Variants in EVC2 observed in about 807,000 individuals in gnomAD.
EVC2 encodes EvC ciliary complex subunit 2, also known as limbin.
EVC2 carries 148 observed loss-of-function variants against 149.3 expected under a neutral mutation model. That is an observed-to-expected ratio of 0.99 (90% confidence interval 0.87 to 1.14). The LOEUF is 1.14. Ranked by LOEUF, EVC2 falls within the 50% of genes most tolerant of loss-of-function variation. EVC2 has a pLI of 0.00. For missense variants in EVC2, 1,854 were observed against 1,627.3 expected (o/e 1.14, Z -2.40); for synonymous variants, 776 against 649.9 (o/e 1.19, Z -2.95).
chr4:5,660,986 T>C (rs574213519), intron 9 of EVC2, among the ~76,000 whole-genome samples: 2 of 152,248 alleles, frequency 1.3e-5, no homozygotes, highest in East Asian at 3.9e-4. Flanking sequence ...GAGCACCAAA[T>C]TAAATAAGGG....
At chr4:5,646,022 C>T (rs551735193) in intron 9 of EVC2, among the ~76,000 whole-genome samples, 35 of 152,238 alleles carry the variant, frequency 2.3e-4, no homozygotes, top group African/African-American at 7.9e-4. Context: ...CTCCACCTCC[C>T]GGGTTCAAGT....
rs968414498 is a variant in EVC2, at chr4:5,618,052, T to A, written c.2706+426A>T. 3.3e-5 allele frequency among the ~76,000 whole-genome samples: 5 copies of A among 152,188 alleles called. No homozygotes were observed. ...AAGACCCTGTGCAAGAGCCCCTCTT[T>A]CCCTGACCCACCTGAGTTGAGATGA... On this transcript the variant is annotated intron_variant, in intron 15 of 21. Transcript: ENST00000344408. This position sits in a 1 kb window ranked among gnomAD's most constrained non-coding sequence, Gnocchi z 4.4.
chr4:5,600,179 T>C (rs776946209), intron 16 of EVC2, among the ~76,000 whole-genome samples: 1 of 152,186 alleles, frequency 6.6e-6, no homozygotes, highest in Non-Finnish European at 1.5e-5. Context: ...TTGCTTAACC[T>C]GTCTGAGTCT....
rs776049384 is a variant in EVC2 at position 5,628,580 on chromosome 4, T to A, written c.1865A>T (p.His622Leu). The A allele has an allele frequency of 6.2e-7, 1 of 1,614,004 alleles. No individual in the cohort carries two copies. The highest frequency in any genetic ancestry group is 8.5e-7 in the Non-Finnish European group (1 of 1,180,032). ...GTACCTCTCGTGCTTCTGAATGAGG[T>A]GAGTCAGCTGGGCTGCAGCGGTGCT... is the stretch of plus-strand genomic sequence containing the variant. ...LLSTAAAQLT[H>L]LIQKHERAGY... The change falls in exon 12 of 22, where the codon CAC (histidine) becomes CTC (leucine). Residue 622 changes from histidine to leucine, a missense_variant. Physicochemically the swap from His to Leu is moderately conservative, Grantham distance 99. Transcript: ENST00000344408.
At chr4:5,654,452 A>T (rs1336193887) in intron 9 of EVC2, among the ~76,000 whole-genome samples, 6 of 152,200 alleles carry the variant, frequency 3.9e-5, no homozygotes, top group Admixed American at 2.6e-4. Flanking sequence ...CCTTGCATTT[A>T]CATCCTTGAG....
intron 21 of EVC2, among the ~76,000 whole-genome samples, chr4:5,549,171 T>A (rs768075610): frequency 6.6e-6 from 1 of 152,246 alleles, no homozygotes; most frequent in Non-Finnish European, 1.5e-5. Context: ...TATATTAAGA[T>A]ATATTGTTAT....
At chr4:5,654,888 C>A (rs1718406268) in intron 9 of EVC2, among the ~76,000 whole-genome samples, 1 of 152,208 alleles carries the variant, frequency 6.6e-6, no homozygotes, top group Non-Finnish European at 1.5e-5. Flanking sequence ...CTGGTTTCAT[C>A]TTGCGCTGTA....
chr4:5,683,478 A>G (rs926397305), intron 6 of EVC2, among the ~76,000 whole-genome samples: 5 of 152,238 alleles, frequency 3.3e-5, no homozygotes, highest in Admixed American at 2.6e-4. Flanking sequence ...AGTGGGATTC[A>G]ACACAATGTT....
intron 21 of EVC2, among the ~76,000 whole-genome samples, chr4:5,549,900 T>C (rs1721704654): frequency 6.6e-6 from 1 of 152,196 alleles, no homozygotes; most frequent in Non-Finnish European, 1.5e-5. Context: ...CTTGTGATAG[T>C]GAATAAGTCT....
chr4:5,665,944 T>C lies in EVC2; in HGVS notation c.871-295A>G, dbSNP rs4524330. On this transcript the variant is annotated intron_variant, in intron 7 of 21. Coordinates refer to ENST00000344408, the MANE Select transcript of EVC2 (RefSeq NM_147127.5). The stretch of plus-strand genomic sequence containing the variant: ...ATCACAGACACTCAAGAATGTTAAG[T>C]TTCCAAATCAAAAACATGATAATCC... Among the ~76,000 whole-genome samples, 48,110 of 151,996 alleles carry C rather than the reference T, an allele frequency of 0.32. 7,662 individuals carry two copies. Among genetic ancestry groups the C allele is most frequent in the Middle Eastern group, 0.34 (101 of 294 alleles).
chr4:5,666,174 C>T (rs1253864452), intron 7 of EVC2, among the ~76,000 whole-genome samples: 1 of 151,820 alleles, frequency 6.6e-6, no homozygotes, highest in African/African-American at 2.4e-5. Flanking sequence ...CCACATTTAC[C>T]CCCGCCCCTC....
chr4:5,588,236 T>C (rs761442000), intron 16 of EVC2, among the ~76,000 whole-genome samples: 1 of 152,220 alleles, frequency 6.6e-6, no homozygotes, highest in Admixed American at 6.5e-5. Context: ...CTTGCATTAT[T>C]TGAAATGAGA....
rs991921206 is a variant in EVC2, at chr4:5,708,554, C to G, written c.-41G>C. Reference sequence around the variant, plus strand: ...GCTACCTCAAAGCGGCGGGTGCCGCCGAGTCGCTGGAGCTTCCGGACCCCA... The same window carrying G: ...GCTACCTCAAAGCGGCGGGTGCCGCGGAGTCGCTGGAGCTTCCGGACCCCA... On this transcript the variant is annotated 5_prime_UTR_variant, in exon 1 of 22. Transcript: ENST00000344408. 63 of 1,359,868 alleles carry G rather than the reference C, an allele frequency of 4.6e-5. No homozygotes were observed. Among genetic ancestry groups the G allele is most frequent in the Non-Finnish European group, 5.6e-5 (59 of 1,049,896 alleles). 84.2% of individuals were successfully genotyped at this position (1,359,868 alleles called of 1,614,324 possible).
chr4:5,706,369 C>A (rs77775037), intron 1 of EVC2, among the ~76,000 whole-genome samples: 2 of 7,536 alleles, frequency 2.7e-4, no homozygotes, highest in African/African-American at 1.5e-3. Flanking sequence ...TAGATAGATA[C>A]ATAGATAGAT....
chr4:5,628,579 G>T lies in EVC2; in HGVS notation c.1866C>A (p.His622Gln), dbSNP rs1300374301. 6.2e-7 allele frequency: 1 copy of T among 1,614,094 alleles called. No individual in the cohort carries two copies. The highest frequency in any genetic ancestry group is 2.2e-5 in the East Asian group (1 of 44,874). Reference protein sequence around the residue: ...LLSTAAAQLTHLIQKHERAGY... With the variant: ...LLSTAAAQLTQLIQKHERAGY... The stretch of plus-strand genomic sequence containing the variant: ...GGTACCTCTCGTGCTTCTGAATGAG[G>T]TGAGTCAGCTGGGCTGCAGCGGTGC... The change falls in exon 12 of 22, where the codon CAC (histidine) becomes CAA (glutamine). Residue 622 changes from histidine to glutamine, a missense_variant. Physicochemically the swap from His to Gln is conservative, Grantham distance 24. Transcript: ENST00000344408.
intron 6 of EVC2, 135 bp from the exon 7 acceptor site, chr4:5,681,448 G>A: frequency 2.3e-6 from 2 of 882,050 alleles, no homozygotes; most frequent in Non-Finnish European, 3.7e-6. Flanking sequence ...CAGAGCTTGT[G>A]AAGGTCTCAC....
rs1364270101 is a variant in EVC2, at chr4:5,686,093, AT to A, written c.707-615del. Among the ~76,000 whole-genome samples the A allele has an allele frequency of 3.3e-3, 51 of 15,552 alleles. 1 individual carries two copies. Among genetic ancestry groups the A allele is most frequent in the African/African-American group, 0.015 (23 of 1,506 alleles). 10.2% of individuals were successfully genotyped at this position (15,552 alleles called of 152,430 possible). ...ATAACATATATACACACACATATATATTACACACACACACACACACACACAC... is the reference window on the plus strand; with the variant it reads ...ATAACATATATACACACACATATATATACACACACACACACACACACACAC... On this transcript the variant is annotated intron_variant, in intron 5 of 21. Coordinates refer to ENST00000344408, the MANE Select transcript of EVC2 (RefSeq NM_147127.5). This position sits in a 1 kb window ranked among gnomAD's most constrained non-coding sequence, Gnocchi z 5.4.
At chr4:5,612,897 G>C (rs2108825185) in intron 16 of EVC2, among the ~76,000 whole-genome samples, 1 of 141,398 alleles carries the variant, frequency 7.1e-6, no homozygotes, top group South Asian at 2.3e-4. Flanking sequence ...ACTCCAGCCT[G>C]GGTGACAGAG....
chr4:5,650,671 A>AGAGAGAGC (rs35334619), intron 9 of EVC2, among the ~76,000 whole-genome samples: 1,130 of 101,286 alleles, frequency 0.011, 32 homozygotes, highest in East Asian at 0.019. Context: ...AGAGAGAGAG[A>AGAGAGAGC]GCCATTTAAT....
Sources: allele counts gnomAD v4.1 joint callset (sites outside exome capture counted in the v4.1 genomes callset), GRCh38; gene constraint gnomAD v4.1.1; non-coding constraint Gnocchi (gnomAD v3.1); transcripts MANE v1.5; gene names NCBI Gene and HGNC (gene_info 2026-07-23, HGNC 2026-07-21).